Variants in IFT56 observed in about 807,000 individuals in gnomAD.
IFT56 encodes the protein intraflagellar transport protein 56.
the IFT56 span, chr7:139,181,240 A>T: frequency 6.9e-7 from 1 of 1,445,678 alleles, no homozygotes; most frequent in Non-Finnish European, 9.6e-7. Context: ...AAGATTCATT[A>T]TCACATTGCT....
At chr7:139,163,826 G>A in the IFT56 span, among the ~76,000 whole-genome samples, 1 of 152,128 alleles carries the variant, frequency 6.6e-6, no homozygotes, top group Non-Finnish European at 1.5e-5. Flanking sequence ...GGCAAAAGAA[G>A]GGAATATCTG....
chr7:139,145,317 T>G, the IFT56 span, among the ~76,000 whole-genome samples: 1 of 151,856 alleles, frequency 6.6e-6, no homozygotes, highest in South Asian at 2.1e-4. Flanking sequence ...GAGAAAAAAA[T>G]GGTACTAAAT....
the IFT56 span, among the ~76,000 whole-genome samples, chr7:139,186,890 C>G: frequency 1.3e-5 from 2 of 149,810 alleles, no homozygotes; most frequent in African/African-American, 5.0e-5. Flanking sequence ...GTCAGGAGAT[C>G]GAGACCATCC....
the IFT56 span, chr7:139,174,326 A>G: frequency 1.8e-6 from 1 of 549,408 alleles, no homozygotes; most frequent in South Asian, 1.4e-5. Flanking sequence ...ACACTGGAGG[A>G]GAGATTTAAC....
the IFT56 span, among the ~76,000 whole-genome samples, chr7:139,149,811 T>G: frequency 6.6e-6 from 1 of 152,152 alleles, no homozygotes; most frequent in Non-Finnish European, 1.5e-5. Context: ...GATTATTACC[T>G]CCTTTTGTTT....
the IFT56 span, among the ~76,000 whole-genome samples, chr7:139,149,669 A>G: frequency 1.3e-5 from 2 of 152,126 alleles, no homozygotes; most frequent in South Asian, 2.1e-4. Context: ...TTTTATAAAT[A>G]CTTAATTGGC....
the IFT56 span, among the ~76,000 whole-genome samples, chr7:139,150,615 T>C: frequency 6.6e-6 from 1 of 152,204 alleles, no homozygotes; most frequent in East Asian, 1.9e-4. Context: ...GAACCTTTTT[T>C]TGGTACCAAT....
At chr7:139,149,199 G>A in the IFT56 span, among the ~76,000 whole-genome samples, 2 of 151,482 alleles carry the variant, frequency 1.3e-5, no homozygotes, top group African/African-American at 4.9e-5. Flanking sequence ...CAGCTACTTG[G>A]GAGGCTGAGG....
At chr7:139,153,878 A>G in the IFT56 span, among the ~76,000 whole-genome samples, 7,981 of 152,262 alleles carry the variant, frequency 0.052, 297 homozygotes, top group South Asian at 0.16. Context: ...ACAGGGTCAT[A>G]TGGTAACTGT....
At chr7:139,154,239 TATCAGATACACAA>T in the IFT56 span, among the ~76,000 whole-genome samples, 15 of 152,166 alleles carry the variant, frequency 9.9e-5, no homozygotes, top group Admixed American at 5.2e-4. Context: ...TTCAGTCCCT[TATCAGATACACAA>T]ATTGCAAATG....
chr7:139,146,129 T>C, the IFT56 span, among the ~76,000 whole-genome samples: 4 of 152,216 alleles, frequency 2.6e-5, no homozygotes, highest in African/African-American at 9.7e-5. Context: ...TCCATGTAAC[T>C]AGATAGTCTA....
At chr7:139,179,616 A>G in the IFT56 span, 12 of 1,613,948 alleles carry the variant, frequency 7.4e-6, no homozygotes, top group South Asian at 1.1e-4. Context: ...AAATGATTAC[A>G]TTTACCTCAG....
chr7:139,176,786 T>G, the IFT56 span, among the ~76,000 whole-genome samples: 3 of 152,132 alleles, frequency 2.0e-5, no homozygotes, highest in East Asian at 5.8e-4. Context: ...ATTCACACAA[T>G]AAAAATTTAT....
At chr7:139,178,454 A>T in the IFT56 span, 4 of 1,532,750 alleles carry the variant, frequency 2.6e-6, no homozygotes, top group Non-Finnish European at 3.6e-6. Flanking sequence ...ATCTGGTATA[A>T]CTGATGGTTA....
the IFT56 span, chr7:139,165,331 C>T: frequency 7.7e-6 from 6 of 774,940 alleles, no homozygotes; most frequent in South Asian, 6.2e-5. Flanking sequence ...TAAATCCATA[C>T]TTCCAAAAAT....
the IFT56 span, chr7:139,148,435 T>C: frequency 6.7e-7 from 1 of 1,484,530 alleles, no homozygotes; most frequent in Non-Finnish European, 9.2e-7. Context: ...ACTTTATACT[T>C]TCCAAGTTAT....
the IFT56 span, among the ~76,000 whole-genome samples, chr7:139,166,566 A>G: frequency 1.4e-4 from 21 of 151,940 alleles, no homozygotes; most frequent in African/African-American, 5.1e-4. Context: ...TGCTTTTCTT[A>G]TCTAATACAA....
the IFT56 span, among the ~76,000 whole-genome samples, chr7:139,141,106 A>C: frequency 2.0e-5 from 3 of 151,458 alleles, no homozygotes; most frequent in Admixed American, 6.6e-5. Flanking sequence ...TAAAAATACA[A>C]AAAAATTAGC....
At chr7:139,147,464 C>CT in the IFT56 span, among the ~76,000 whole-genome samples, 2 of 152,188 alleles carry the variant, frequency 1.3e-5, no homozygotes, top group South Asian at 2.1e-4. Flanking sequence ...CTTTCTCTAC[C>CT]TTTTTTTGCA....
Sources: allele counts gnomAD v4.1 joint callset (sites outside exome capture counted in the v4.1 genomes callset), GRCh38; gene constraint gnomAD v4.1.1; transcripts MANE v1.5; gene names NCBI Gene and HGNC (gene_info 2026-07-23, HGNC 2026-07-21).